LRP1B: variants seen among roughly 807,000 people sequenced by gnomAD.
The protein encoded by LRP1B is low-density lipoprotein receptor-related protein 1B.
LRP1B carries 217 observed loss-of-function variants against 556.6 expected under a neutral mutation model. The observed-to-expected ratio is 0.39, with a 90% CI of 0.35 to 0.44. The LOEUF is 0.44. Among genes scored for constraint, LRP1B ranks in the 20% least tolerant of loss-of-function variants. The pLI is 1.00. For missense variants in LRP1B, 5,053 were observed against 5,620.8 expected, an observed-to-expected ratio of 0.90 and a Z score of 3.23; for synonymous variants, 2,047 against 1,865.8, an observed-to-expected ratio of 1.10 and a Z score of -2.50.
chr2:140,410,431 G>A (rs1383801337), intron 66 of LRP1B, among the ~76,000 whole-genome samples: 1 of 151,538 alleles, frequency 6.6e-6, no homozygotes, highest in South Asian at 2.1e-4. Context: ...CCTTAATAGT[G>A]CACTTCTCTG....
At chr2:141,856,938 G>A (rs1046599633) in intron 1 of LRP1B, among the ~76,000 whole-genome samples, 7 of 151,796 alleles carry the variant, frequency 4.6e-5, no homozygotes, top group South Asian at 2.1e-4. Flanking sequence ...TTTGAAGTCA[G>A]TGGCCTGGAT....
rs1024590705 is a variant in LRP1B at position 141,757,858 on chromosome 2, G to A, written c.205+52421C>T. On this transcript the variant is annotated intron_variant, in intron 2 of 90. Coordinates refer to ENST00000389484, the MANE Select transcript of LRP1B (RefSeq NM_018557.3). ...AGCCTCTTTAACTAATTCTAACTCAGTTTTTCTTCCTAAACAGAGCCCCAT... is the reference window on the plus strand; with the variant it reads ...AGCCTCTTTAACTAATTCTAACTCAATTTTTCTTCCTAAACAGAGCCCCAT... 4.6e-5 allele frequency among the ~76,000 whole-genome samples: 7 copies of A among 151,834 alleles called. No homozygotes were observed. In the East Asian group the frequency reaches 1.4e-3, roughly 29 times the overall value.
At position 141,718,132 on chromosome 2, in the gene LRP1B, G is replaced by A. The variant is rs189115740; in HGVS notation, c.205+92147C>T. Among the ~76,000 whole-genome samples the A allele has an allele frequency of 2.6e-5, 4 of 152,280 alleles. No individual in the cohort carries two copies. In the East Asian group the frequency reaches 7.7e-4, roughly 29 times the overall value. On this transcript the variant is annotated intron_variant, in intron 2 of 90. Coordinates refer to ENST00000389484, the MANE Select transcript of LRP1B (RefSeq NM_018557.3). The stretch of plus-strand genomic sequence containing the variant: ...GGACAGGAGGCAGGGCTTGCCAGAG[G>A]AGAGAAAGACTCTTTGCACACAGCT...
chr2:141,233,873 T>C (rs1683560899), intron 5 of LRP1B, among the ~76,000 whole-genome samples: 1 of 147,182 alleles, frequency 6.8e-6, no homozygotes. Context: ...AATAAATGTA[T>C]ATATATATGT....
intron 1 of LRP1B, among the ~76,000 whole-genome samples, chr2:142,025,162 A>C (rs548201004): frequency 1.3e-5 from 2 of 152,244 alleles, no homozygotes; most frequent in Non-Finnish European, 2.9e-5. Context: ...TTCCCTCACA[A>C]CTTTCTTCCC....
chr2:141,719,120 A>T (rs1199017650), intron 2 of LRP1B, among the ~76,000 whole-genome samples: 1 of 152,098 alleles, frequency 6.6e-6, no homozygotes, highest in Non-Finnish European at 1.5e-5. Flanking sequence ...AGACTTGCTG[A>T]ATATTACCTC....
intron 2 of LRP1B, among the ~76,000 whole-genome samples, chr2:141,743,664 G>T (rs1416687067): frequency 6.6e-6 from 1 of 151,752 alleles, no homozygotes. Context: ...CTGTTCAATA[G>T]CAAGCAACAA....
chr2:142,067,882 A>G (rs914771843), intron 1 of LRP1B, among the ~76,000 whole-genome samples: 2 of 151,604 alleles, frequency 1.3e-5, no homozygotes, highest in African/African-American at 4.8e-5. Context: ...CACTAGTTCT[A>G]AAAACAGAAA....
intron 3 of LRP1B, among the ~76,000 whole-genome samples, chr2:141,418,430 A>ATTTTTTTTTTTTTTTT (rs1227512681): frequency 9.2e-6 from 1 of 108,294 alleles, no homozygotes; most frequent in African/African-American, 3.9e-5. Context: ...ACAGAGCACA[A>ATTTTTTTTTTTTTTTT]TATTTTTTTT....
intron 83 of LRP1B, among the ~76,000 whole-genome samples, chr2:140,300,530 A>G (rs989699524): frequency 6.6e-6 from 1 of 152,196 alleles, no homozygotes; most frequent in African/African-American, 2.4e-5. Context: ...TTGACAGCCT[A>G]CAAGGGTAGC....
At chr2:140,796,342 T>A (rs898716882) in intron 32 of LRP1B, among the ~76,000 whole-genome samples, 1 of 152,098 alleles carries the variant, frequency 6.6e-6, no homozygotes, top group Non-Finnish European at 1.5e-5. Flanking sequence ...ACTTTGAGAT[T>A]GTTGTATTTA....
rs1206584214 is a variant in LRP1B at position 141,923,456 on chromosome 2, G to A, written c.83-113055C>T. ...AGAGATTATATATATATGTGTGTGTGTGTGTGTGTGTGTGTGTGTGTGTGT... is the reference window on the plus strand; with the variant it reads ...AGAGATTATATATATATGTGTGTGTATGTGTGTGTGTGTGTGTGTGTGTGT... On this transcript the variant is annotated intron_variant, in intron 1 of 90. Transcript: ENST00000389484. Among the ~76,000 whole-genome samples, 17 of 106,168 alleles carry A rather than the reference G, an allele frequency of 1.6e-4. No homozygotes were observed. The South Asian group carries it at 3.7e-3, about 23-fold the overall frequency. 69.7% of individuals were successfully genotyped at this position (106,168 alleles called of 152,430 possible).
intron 7 of LRP1B, among the ~76,000 whole-genome samples, chr2:141,179,625 A>T (rs768993493): frequency 1.1e-4 from 17 of 152,014 alleles, no homozygotes; most frequent in Non-Finnish European, 7.4e-5. Flanking sequence ...AAAGAAGACC[A>T]AATACCTTCA....
At chr2:141,048,046 A>G (rs1698928678) in intron 11 of LRP1B, among the ~76,000 whole-genome samples, 2 of 152,134 alleles carry the variant, frequency 1.3e-5, no homozygotes, top group Non-Finnish European at 2.9e-5. Flanking sequence ...TTGTGTGCTT[A>G]TATCATCTCC....
chr2:141,492,968 T>C (rs1314391722), intron 2 of LRP1B, among the ~76,000 whole-genome samples: 3 of 152,182 alleles, frequency 2.0e-5, no homozygotes, highest in East Asian at 1.9e-4. Context: ...AACTGTCCTT[T>C]ATTGCATTCT....
chr2:141,099,480 A>G (rs760146768), intron 7 of LRP1B, among the ~76,000 whole-genome samples: 4 of 152,346 alleles, frequency 2.6e-5, no homozygotes, highest in Middle Eastern at 3.4e-3. Flanking sequence ...CAGTTCTCAT[A>G]GGGCAATGAG....
chr2:141,720,966 G>T (rs1057005371), intron 2 of LRP1B, among the ~76,000 whole-genome samples: 1 of 152,082 alleles, frequency 6.6e-6, no homozygotes, highest in South Asian at 2.1e-4. Flanking sequence ...TCAAGAGGAT[G>T]TTCTTTTTGA....
chr2:140,893,368 A>C (rs1693856281), intron 23 of LRP1B, among the ~76,000 whole-genome samples: 1 of 152,208 alleles, frequency 6.6e-6, no homozygotes, highest in African/African-American at 2.4e-5. Flanking sequence ...AGGTCATGAA[A>C]ATGTTGACTA....
chr2:140,917,473 T>C (rs542124476), intron 21 of LRP1B, among the ~76,000 whole-genome samples: 1 of 152,092 alleles, frequency 6.6e-6, no homozygotes, highest in Non-Finnish European at 1.5e-5. Flanking sequence ...GTAAACAGAT[T>C]AAAAAATTGT....
Sources: gnomAD v4.1 joint callset for allele counts (sites outside exome capture counted in the v4.1 genomes callset) on GRCh38, gnomAD v4.1.1 for gene constraint, MANE v1.5 for transcripts, NCBI Gene and HGNC (gene_info 2026-07-23, HGNC 2026-07-21) for gene names.